The following MAP4 variants were observed in gnomAD, a reference collection of about 807,000 sequenced individuals.
MAP4 encodes microtubule associated protein 4.
In MAP4, 76 loss-of-function variants were observed where a neutral mutation model predicts 170.2. The observed-to-expected ratio is 0.45, with a 90% CI of 0.37 to 0.54. The LOEUF (loss-of-function observed/expected upper bound fraction) is 0.54, where lower values mean the gene tolerates loss of function less well. Among genes scored for constraint, MAP4 ranks in the 20% least tolerant of loss-of-function variants. MAP4 has a pLI of 0.00. For synonymous variants in MAP4, 909 were observed against 994.5 expected, an observed-to-expected ratio of 0.91 and a Z score of 1.62; for missense variants, 2,506 against 2,748.0, an observed-to-expected ratio of 0.91 and a Z score of 1.97.
intron 4 of MAP4, among the ~76,000 whole-genome samples, chr3:47,923,540 G>A (rs1316320709): frequency 6.7e-6 from 1 of 150,194 alleles, no homozygotes; most frequent in Admixed American, 6.7e-5. Flanking sequence ...TATGGCGACT[G>A]TGAATAGTCA....
At chr3:47,967,336 A>AAAAAC (rs1179118309) in intron 3 of MAP4, among the ~76,000 whole-genome samples, 3 of 152,020 alleles carry the variant, frequency 2.0e-5, no homozygotes, top group East Asian at 1.9e-4. Flanking sequence ...CTCCGTCACA[A>AAAAAC]AAAACAAAAC....
intron 2 of MAP4, among the ~76,000 whole-genome samples, chr3:47,983,490 G>T (rs182597808): frequency 6.6e-6 from 1 of 152,108 alleles, no homozygotes; most frequent in East Asian, 1.9e-4. Flanking sequence ...AGGTTCAAGC[G>T]ATTCTCATGC....
chr3:47,959,435 G>T (rs1456216412), intron 3 of MAP4, among the ~76,000 whole-genome samples: 1 of 151,660 alleles, frequency 6.6e-6, no homozygotes, highest in East Asian at 1.9e-4. Context: ...ACTCCAGCCT[G>T]GGCAAAAGAG....
chr3:47,992,838 A>G, intron 2 of MAP4, among the ~76,000 whole-genome samples: 1 of 146,314 alleles, frequency 6.8e-6, no homozygotes, highest in East Asian at 2.3e-4. Flanking sequence ...CAGGAGGTAG[A>G]GGTTGCAGTG....
At chr3:48,088,451 C>G (rs1021530013) in intron 1 of MAP4, among the ~76,000 whole-genome samples, 1 of 152,192 alleles carries the variant, frequency 6.6e-6, no homozygotes, top group Non-Finnish European at 1.5e-5. Context: ...GACCCTCGCT[C>G]CGCGGCTCAG....
chr3:48,071,367 C>A (rs1415301652), intron 1 of MAP4, among the ~76,000 whole-genome samples: 3 of 151,652 alleles, frequency 2.0e-5, no homozygotes, highest in Non-Finnish European at 1.5e-5. Context: ...CATAGTGAAA[C>A]CCTGTCTCTA....
intron 3 of MAP4, among the ~76,000 whole-genome samples, chr3:47,933,736 GACT>G (rs1395125625): frequency 6.6e-6 from 1 of 152,024 alleles, no homozygotes; most frequent in Non-Finnish European, 1.5e-5. Context: ...AAGCAGCTGG[GACT>G]ACAGGCGCCT....
At chr3:47,970,296 A>C (rs1309339819) in intron 3 of MAP4, among the ~76,000 whole-genome samples, 7 of 143,360 alleles carry the variant, frequency 4.9e-5, no homozygotes, top group African/African-American at 1.8e-4. Flanking sequence ...GACCAGCCTG[A>C]CCAACATGGA....
chr3:48,082,894 T>C (rs1439161271), intron 1 of MAP4, among the ~76,000 whole-genome samples: 1 of 151,906 alleles, frequency 6.6e-6, no homozygotes, highest in Non-Finnish European at 1.5e-5. Flanking sequence ...ACCATCTCTA[T>C]GGTATTTTTC....
intron 1 of MAP4, among the ~76,000 whole-genome samples, chr3:48,029,065 G>A (rs1461641818): frequency 1.3e-5 from 2 of 151,236 alleles, no homozygotes; most frequent in Middle Eastern, 3.5e-3. Flanking sequence ...AGGATCACTG[G>A]AGTCTGGGAA....
chr3:47,917,400 A>C (rs933633355), intron 6 of MAP4, among the ~76,000 whole-genome samples: 1 of 152,010 alleles, frequency 6.6e-6, no homozygotes, highest in Non-Finnish European at 1.5e-5. Flanking sequence ...CCAGCCTGAC[A>C]AACATGGTGA....
Position 47,871,769 on chromosome 3 carries a change from T to C in MAP4, c.5941+148A>G, listed in dbSNP as rs374111822. ...TTGTTAAGTACCAGGCCCACAGGGC[T>C]ACCACTGTTCCAGGTAGTCCACTAA... On this transcript the variant is annotated intron_variant, in intron 13 of 20. Coordinates refer to ENST00000683076, the MANE Select transcript of MAP4 (RefSeq NM_001385682.1). The C allele has an allele frequency of 1.5e-5, 10 of 688,046 alleles. No homozygotes were observed. In the South Asian group the frequency reaches 2.2e-4, roughly 15 times the overall value. 42.6% of individuals were successfully genotyped at this position (688,046 alleles called of 1,614,324 possible). A position where few individuals can be genotyped will look rare whatever the true frequency, so the allele number is the denominator to read the frequency against.
At chr3:47,863,470 G>T (rs879511946) in intron 17 of MAP4, among the ~76,000 whole-genome samples, 1 of 151,890 alleles carries the variant, frequency 6.6e-6, no homozygotes, top group Non-Finnish European at 1.5e-5. Flanking sequence ...CTCCTTCATG[G>T]GCTGGCCCAA....
chr3:47,973,462 C>A (rs1046657341), intron 3 of MAP4: 35 of 985,022 alleles, frequency 3.6e-5, no homozygotes, highest in African/African-American at 1.7e-5. Context: ...TTCTTTCTTT[C>A]AAAATGAAAC....
At position 47,921,624 on chromosome 3, in the gene MAP4, A is replaced by G. The variant is rs552517602; in HGVS notation, c.529+141T>C. 8.3e-6 allele frequency: 5 copies of G among 601,380 alleles called. No individual in the cohort carries two copies. The African/African-American group carries it at 9.3e-5, about 11-fold the overall frequency. 37.3% of individuals were successfully genotyped at this position (601,380 alleles called of 1,614,324 possible). A position where few individuals can be genotyped will look rare whatever the true frequency, so the allele number is the denominator to read the frequency against. ...CATTCCCTAGGTACCTCTCATGTACATATTAAATTCACATTTTAAACTTTG... is the reference window on the plus strand; with the variant it reads ...CATTCCCTAGGTACCTCTCATGTACGTATTAAATTCACATTTTAAACTTTG... On this transcript the variant is annotated intron_variant, in intron 5 of 20. Transcript: ENST00000683076.
chr3:48,069,831 C>T (rs2100140117), intron 1 of MAP4, among the ~76,000 whole-genome samples: 1 of 152,152 alleles, frequency 6.6e-6, no homozygotes. Flanking sequence ...ATCAGAGAAC[C>T]TCATTATCGG....
At chr3:47,897,950 G>GGGGGGAA (rs1491497294) in intron 10 of MAP4, among the ~76,000 whole-genome samples, 1 of 134,540 alleles carries the variant, frequency 7.4e-6, no homozygotes, top group African/African-American at 2.9e-5. Context: ...TCGGGGGGGG[G>GGGGGGAA]AAAAAAAAAA....
chr3:48,002,652 A>G (rs1472611076), intron 1 of MAP4, among the ~76,000 whole-genome samples: 1 of 152,152 alleles, frequency 6.6e-6, no homozygotes, highest in Non-Finnish European at 1.5e-5. Context: ...AGCCTGAGGC[A>G]GCTGGATCAC....
At chr3:47,973,933 A>C (rs534216981) in intron 3 of MAP4, 17 of 985,376 alleles carry the variant, frequency 1.7e-5, no homozygotes, top group Middle Eastern at 1.0e-3. Context: ...TTTCCTTTAA[A>C]ACATATCACC....
Sources: allele counts gnomAD v4.1 joint callset (sites outside exome capture counted in the v4.1 genomes callset), GRCh38; gene constraint gnomAD v4.1.1; transcripts MANE v1.5; gene names NCBI Gene and HGNC (gene_info 2026-07-23, HGNC 2026-07-21).